BBX: variants seen among roughly 807,000 people sequenced by gnomAD.
BBX encodes the protein BBX high mobility group box domain containing.
A neutral mutation model predicts 100.2 loss-of-function variants in BBX; 30 were observed. The observed-to-expected ratio is 0.30, with a 90% confidence interval of 0.22 to 0.41. The LOEUF (loss-of-function observed/expected upper bound fraction) is 0.41, where lower values mean the gene tolerates loss of function less well. BBX is among the 10% of genes least tolerant of loss of function. The pLI, the probability that BBX is intolerant of heterozygous loss-of-function variation, is 1.00. For synonymous variants in BBX, 376 were observed against 388.1 expected (o/e 0.97, Z 0.37); for missense variants, 1,023 against 1,129.8 (o/e 0.91, Z 1.35).
chr3:107,555,027 C>T (rs970340217), intron 2 of BBX, among the ~76,000 whole-genome samples: 8 of 147,528 alleles, frequency 5.4e-5, no homozygotes, highest in Admixed American at 4.0e-4. Flanking sequence ...GAGATCGTGG[C>T]ATTGCACTCC....
intron 3 of BBX, among the ~76,000 whole-genome samples, chr3:107,660,606 G>A (rs1250353534): frequency 6.7e-6 from 1 of 150,354 alleles, no homozygotes; most frequent in Non-Finnish European, 1.5e-5. Flanking sequence ...AAAATTTCTG[G>A]TTTAAAAATT....
chr3:107,789,975 C>T, intron 14 of BBX, 99 bp downstream of exon 14: 1 of 909,400 alleles, frequency 1.1e-6, no homozygotes, highest in Non-Finnish European at 1.6e-6. Flanking sequence ...CCTTGTCCTC[C>T]CCTCTGCTTG....
At chr3:107,628,198 G>A (rs1461975807) in intron 2 of BBX, among the ~76,000 whole-genome samples, 1 of 151,974 alleles carries the variant, frequency 6.6e-6, no homozygotes, top group Non-Finnish European at 1.5e-5. Flanking sequence ...AATGCTTACT[G>A]TACCAACTTT....
At chr3:107,687,488 G>A (rs1364902842) in intron 3 of BBX, among the ~76,000 whole-genome samples, 1 of 152,098 alleles carries the variant, frequency 6.6e-6, no homozygotes, top group Non-Finnish European at 1.5e-5. Context: ...CCCTGCTGGA[G>A]ATAAGGAGGT....
At chr3:107,690,151 T>TA (rs891778343) in intron 3 of BBX, among the ~76,000 whole-genome samples, 1 of 152,178 alleles carries the variant, frequency 6.6e-6, no homozygotes, top group African/African-American at 2.4e-5. Context: ...TGCTTTATCA[T>TA]AAAAAATTAA....
chr3:107,684,227 G>A (rs1262093917), intron 3 of BBX, among the ~76,000 whole-genome samples: 1 of 151,970 alleles, frequency 6.6e-6, no homozygotes, highest in African/African-American at 2.4e-5. Context: ...TGGAGATGAC[G>A]GATATTTTAT....
At chr3:107,660,103 C>A (rs2058365518) in intron 3 of BBX, among the ~76,000 whole-genome samples, 1 of 151,986 alleles carries the variant, frequency 6.6e-6, no homozygotes, top group Admixed American at 6.6e-5. Flanking sequence ...CATTTTTGCT[C>A]TTTTATAATT....
intron 2 of BBX, among the ~76,000 whole-genome samples, chr3:107,549,841 TGTCTTAA>T (rs2049528238): frequency 6.6e-6 from 1 of 151,082 alleles, no homozygotes; most frequent in Admixed American, 6.6e-5. Context: ...TGAGAAAAAG[TGTCTTAA>T]GTAAGCGTGC....
chr3:107,632,081 TTG>T, intron 2 of BBX, among the ~76,000 whole-genome samples: 1 of 68,186 alleles, frequency 1.5e-5, no homozygotes, highest in African/African-American at 5.0e-5. Context: ...GCTTTTTTTG[TTG>T]TTGTTGTTGT....
At chr3:107,620,450 C>G (rs2055657460) in intron 2 of BBX, among the ~76,000 whole-genome samples, 1 of 152,184 alleles carries the variant, frequency 6.6e-6, no homozygotes, top group African/African-American at 2.4e-5. Flanking sequence ...AAGTGACTTT[C>G]CATTGAAACC....
chr3:107,567,966 A>C (rs2051047134), intron 2 of BBX, among the ~76,000 whole-genome samples: 1 of 151,572 alleles, frequency 6.6e-6, no homozygotes, highest in Non-Finnish European at 1.5e-5. Context: ...AGAGAACTTG[A>C]GTATTCTCTT....
At chr3:107,799,900 A>G (rs1488043185) in intron 16 of BBX, among the ~76,000 whole-genome samples, 1 of 152,156 alleles carries the variant, frequency 6.6e-6, no homozygotes, top group African/African-American at 2.4e-5. Context: ...TTGGAGTGCT[A>G]TACCAGCTAG....
Position 107,805,412 on chromosome 3 carries a change from A to G in BBX, c.2781A>G (p.Lys927=), listed in dbSNP as rs1375935243. The G allele has an allele frequency of 1.2e-6, 2 of 1,614,014 alleles. No homozygotes were observed. The highest frequency in any genetic ancestry group is 2.7e-5 in the African/African-American group (2 of 74,924). The part of the protein sequence containing the change: ...STPLTHDGQP[K]EMPQAPVLIS... ...CGCTCACCCATGATGGACAGCCAAA[A>G]GAAATGCCGCAGGCTCCTGTACTTA... The change falls in exon 18 of 18, where the codon AAA becomes AAG. Residue 927 remains lysine (K), a synonymous_variant. Coordinates refer to ENST00000325805, the MANE Select transcript of BBX (RefSeq NM_001142568.3).
intron 3 of BBX, among the ~76,000 whole-genome samples, chr3:107,706,413 G>T (rs931222741): frequency 2.6e-5 from 4 of 151,828 alleles, no homozygotes; most frequent in African/African-American, 9.7e-5. Context: ...GTCAATTTAG[G>T]GTCACCTGTC....
At chr3:107,565,305 T>C (rs1460416609) in intron 2 of BBX, among the ~76,000 whole-genome samples, 2 of 151,838 alleles carry the variant, frequency 1.3e-5, no homozygotes, top group Non-Finnish European at 2.9e-5. Context: ...CTCTTTATTT[T>C]TTTTTTGGCT....
chr3:107,704,239 A>G (rs1325051623), intron 3 of BBX, among the ~76,000 whole-genome samples: 1 of 152,240 alleles, frequency 6.6e-6, no homozygotes, highest in Non-Finnish European at 1.5e-5. Flanking sequence ...TTTAAAAAAA[A>G]TTTAGGAGCA....
At chr3:107,559,567 A>C (rs2050329526) in intron 2 of BBX, among the ~76,000 whole-genome samples, 1 of 152,214 alleles carries the variant, frequency 6.6e-6, no homozygotes, top group Admixed American at 6.5e-5. Context: ...GGCAAGAGGC[A>C]TCCCATGTGA....
At chr3:107,778,612 T>C in intron 13 of BBX, 93 bp downstream of exon 13, 1 of 1,390,688 alleles carries the variant, frequency 7.2e-7, no homozygotes, top group East Asian at 2.3e-5. Flanking sequence ...TATCATTGGA[T>C]TTGGAATTGA....
chr3:107,745,747 C>A (rs2064530149), intron 8 of BBX, among the ~76,000 whole-genome samples: 1 of 152,098 alleles, frequency 6.6e-6, no homozygotes, highest in Non-Finnish European at 1.5e-5. Context: ...AGCCACCATG[C>A]TCAGCCTGCA....
Sources: gnomAD v4.1 joint callset for allele counts (sites outside exome capture counted in the v4.1 genomes callset) on GRCh38, gnomAD v4.1.1 for gene constraint, MANE v1.5 for transcripts, NCBI Gene and HGNC (gene_info 2026-07-23, HGNC 2026-07-21) for gene names.